TTLL8: variants seen among roughly 807,000 people sequenced by gnomAD.
TTLL8 encodes the protein protein monoglycylase TTLL8.
A neutral mutation model predicts 77.8 loss-of-function variants in TTLL8; 65 were observed. The ratio of observed to expected loss-of-function variants is 0.84; its 90% confidence interval spans 0.68 to 1.03. The LOEUF (loss-of-function observed/expected upper bound fraction) is 1.03. Among genes scored for constraint, TTLL8 ranks in the 50% least tolerant of loss-of-function variants. The pLI, the probability that TTLL8 is intolerant of heterozygous loss-of-function variation, is 0.00. For missense variants in TTLL8, 910 were observed against 1,004.5 expected (o/e 0.91, Z 1.27); for synonymous variants, 402 against 422.8 (o/e 0.95, Z 0.60).
At chr22:50,033,017 C>G (rs1419256530) in intron 10 of TTLL8, 185 bp downstream of exon 11, 1 of 491,780 alleles carries the variant, frequency 2.0e-6, no homozygotes, top group African/African-American at 2.1e-5. Flanking sequence ...GGCCGGTGGG[C>G]CTGGGCCTGT....
chr22:50,033,757 G>A (rs5771310), intron 9 of TTLL8, among the ~76,000 whole-genome samples: 12,764 of 152,268 alleles, frequency 0.084, 668 homozygotes, highest in East Asian at 0.25. Flanking sequence ...CCAGGAGGAT[G>A]GGCATGGTGG....
At chr22:50,049,189 C>T (rs562359889) in intron 3 of TTLL8, 60 bp downstream of exon 5, 27 of 1,364,954 alleles carry the variant, frequency 2.0e-5, no homozygotes, top group Admixed American at 7.6e-5. Context: ...CGGAGCAGGG[C>T]GACGGTGTGA....
chr22:50,028,016 T>C (rs564000477), intron 12 of TTLL8, among the ~76,000 whole-genome samples: 38 of 151,964 alleles, frequency 2.5e-4, no homozygotes, highest in African/African-American at 9.2e-4. Flanking sequence ...AAGCAGCTGG[T>C]GGGTGGTGAG....
chr22:50,054,431 C>G (rs1013688275), intron 1 of TTLL8: 1 of 165,652 alleles, frequency 6.0e-6, no homozygotes. Context: ...GCTCCCTCTC[C>G]TGGGGAGGGA....
chr22:50,034,448 C>T lies in TTLL8; in HGVS notation c.936G>A (p.Leu312=). Residue 312 remains leucine, a synonymous_variant, in exon 9 of 14, where the codon CTG becomes CTA. Coordinates refer to ENST00000266182, the Ensembl canonical transcript of TTLL8. This position sits in a 1 kb window ranked among gnomAD's most constrained non-coding sequence, Gnocchi z 4.1. ...GAGGGTTCACAGACGTGATTCTATTCAGCAGAGCCTGGCACTGCGAAAAGT... is the reference window on the plus strand; with the variant it reads ...GAGGGTTCACAGACGTGATTCTATTTAGCAGAGCCTGGCACTGCGAAAAGT... 1.5e-6 allele frequency: 2 copies of T among 1,367,206 alleles called. 1 individual carries two copies. The highest frequency in any genetic ancestry group is 2.3e-5 in the South Asian group (2 of 88,032). The allele number at this position is 1,367,206 out of a possible 1,614,324, so 84.7% of individuals were successfully genotyped here. A position where few individuals can be genotyped will look rare whatever the true frequency, so the allele number is the denominator to read the frequency against.
intron 12 of TTLL8, chr22:50,030,138 C>T (rs2061275946): frequency 1.0e-6 from 1 of 982,152 alleles, no homozygotes; most frequent in Admixed American, 6.1e-5. Flanking sequence ...CGCCACACCC[C>T]AGAGGTATGG....
chr22:50,024,285 T>C (rs1347230886), intron 12 of TTLL8, among the ~76,000 whole-genome samples: 1 of 152,008 alleles, frequency 6.6e-6, no homozygotes, highest in Non-Finnish European at 1.5e-5. Context: ...TACAGGTGCC[T>C]GCCACCATGC....
At chr22:50,037,435 G>C (rs1279415761) in intron 8 of TTLL8, among the ~76,000 whole-genome samples, 1 of 152,182 alleles carries the variant, frequency 6.6e-6, no homozygotes, top group African/African-American at 2.4e-5. Flanking sequence ...TGGAACTCCT[G>C]ACCTCATGAT....
At chr22:50,025,430 G>A (rs865806032) in intron 12 of TTLL8, among the ~76,000 whole-genome samples, 1 of 152,168 alleles carries the variant, frequency 6.6e-6, no homozygotes. Context: ...ACCTGAGGTC[G>A]GGAGTTCGAG....
intron 1 of TTLL8, among the ~76,000 whole-genome samples, chr22:50,053,609 C>G (rs1261228808): frequency 6.6e-6 from 1 of 152,132 alleles, no homozygotes; most frequent in Non-Finnish European, 1.5e-5. Flanking sequence ...AGAAGAAAAT[C>G]TGAAAATTAA....
intron 3 of TTLL8, 79 bp downstream of exon 5, chr22:50,049,170 G>C: frequency 4.4e-6 from 6 of 1,358,182 alleles, no homozygotes; most frequent in East Asian, 4.6e-5. Flanking sequence ...GGACATGGGA[G>C]AGTGGGCACG....
At chr22:50,043,398 CGTCCTTCGGT>C (rs2061386108) in intron 6 of TTLL8, among the ~76,000 whole-genome samples, 1 of 46,370 alleles carries the variant, frequency 2.2e-5, no homozygotes, top group Non-Finnish European at 4.1e-5. Flanking sequence ...GGTGCCGAGA[CGTCCTTCGGT>C]AGATGGATAG....
chr22:50,033,825 G>A (rs113937712), intron 9 of TTLL8, among the ~76,000 whole-genome samples: 102 of 152,184 alleles, frequency 6.7e-4, no homozygotes, highest in Middle Eastern at 6.8e-3. Flanking sequence ...ACTTGAGGTC[G>A]GGAGTTCAAG....
At chr22:50,038,302 A>G (rs1439830351) in intron 8 of TTLL8, among the ~76,000 whole-genome samples, 2 of 152,092 alleles carry the variant, frequency 1.3e-5, no homozygotes, top group African/African-American at 4.8e-5. Context: ...ATGAACAATC[A>G]TATCATCTAC....
intron 8 of TTLL8, among the ~76,000 whole-genome samples, chr22:50,036,373 G>T (rs1469732915): frequency 6.6e-6 from 1 of 152,140 alleles, no homozygotes; most frequent in African/African-American, 2.4e-5. Flanking sequence ...ACGCAGTGGG[G>T]TGCATCCTGC....
upstream of TTLL8, among the ~76,000 whole-genome samples, chr22:50,057,709 G>C (rs1406555314): frequency 2.0e-5 from 3 of 148,014 alleles, no homozygotes; most frequent in East Asian, 6.1e-4. Context: ...GGTCAGGTCT[G>C]GGTTGGGGGT....
chr22:50,041,627 A>T lies in TTLL8; in HGVS notation c.824T>A (p.Leu275His). ...GGGCCTGCGTAAGTCTTACTGAACG[A>T]GGGAGTAGTACTGCTGGGTCAGGTC... The change falls in exon 7 of 14, where the codon CTC becomes CAC. Residue 275 changes from leucine (L) to histidine (H), a missense_variant. Around this residue, in one of 2 missense-constraint regions of TTLL8, gnomAD observed 776 missense variants for 926.1 expected, o/e 0.84. Coordinates refer to ENST00000266182, the Ensembl canonical transcript of TTLL8. This position sits in a 1 kb window ranked among gnomAD's most constrained non-coding sequence, Gnocchi z 4.3. 1 of 1,356,856 alleles carries T rather than the reference A, an allele frequency of 7.4e-7. No homozygotes were observed. Among genetic ancestry groups the T allele is most frequent in the Non-Finnish European group, 9.8e-7 (1 of 1,016,778 alleles). 84.1% of individuals were successfully genotyped at this position (1,356,856 alleles called of 1,614,324 possible). A position where few individuals can be genotyped will look rare whatever the true frequency, so the allele number is the denominator to read the frequency against.
In TTLL8 at chr22:50,044,747, G is replaced by C. The variant is rs1207157019; in HGVS notation, c.643+508C>G. Among the ~76,000 whole-genome samples, 1 of 152,188 alleles carries C rather than the reference G, an allele frequency of 6.6e-6. No individual in the cohort carries two copies. The highest frequency in any genetic ancestry group is 1.9e-4 in the East Asian group (1 of 5,188). On this transcript the variant is annotated intron_variant, in intron 6 of 13. Coordinates refer to ENST00000266182, the Ensembl canonical transcript of TTLL8. The surrounding 1 kb of genome is among the most constrained non-coding windows in gnomAD (Gnocchi z 4.2). The stretch of plus-strand genomic sequence containing the variant: ...TGTACCCTCTGCTCAGCTGTGCTGT[G>C]AACCTAAAACTGCTCTAGAAATTAC...
At chr22:50,055,860 G>C (rs905615736), upstream of TTLL8, among the ~76,000 whole-genome samples, 24 of 152,230 alleles carry the variant, frequency 1.6e-4, no homozygotes, top group African/African-American at 5.8e-4. Context: ...ATCTTGAATA[G>C]GGGCTGGTTA....
Sources: allele counts gnomAD v4.1 joint callset (sites outside exome capture counted in the v4.1 genomes callset), GRCh38; gene constraint gnomAD v4.1.1; regional missense constraint gnomAD v4.1.1; non-coding constraint Gnocchi (gnomAD v3.1); transcripts MANE v1.5; gene names NCBI Gene and HGNC (gene_info 2026-07-23, HGNC 2026-07-21).